SYTL3: variants seen among roughly 807,000 people sequenced by gnomAD.
SYTL3 encodes the protein synaptotagmin like 3, also known as synaptotagmin-like protein 3.
In SYTL3, 88 loss-of-function variants were observed where a neutral mutation model predicts 82.1. That is an observed-to-expected ratio of 1.07 (90% CI 0.90 to 1.28). The LOEUF (loss-of-function observed/expected upper bound fraction) is 1.28, where lower values mean the gene tolerates loss of function less well. Among genes scored for constraint, SYTL3 ranks in the 50% most tolerant of loss-of-function variants. The pLI, the probability that SYTL3 is intolerant of heterozygous loss-of-function variation, is 0.00. For missense variants in SYTL3, 831 were observed against 757.6 expected (o/e 1.10, Z -1.14); for synonymous variants, 311 against 289.4 (o/e 1.07, Z -0.76).
At chr6:158,653,889 C>G (rs1344837932) in intron 2 of SYTL3, among the ~76,000 whole-genome samples, 1 of 152,236 alleles carries the variant, frequency 6.6e-6, no homozygotes, top group Admixed American at 6.5e-5. Context: ...TGATGACTGA[C>G]TGCTCAGAGA....
At chr6:158,754,822 G>A (rs1452402045) in intron 13 of SYTL3, among the ~76,000 whole-genome samples, 1 of 152,216 alleles carries the variant, frequency 6.6e-6, no homozygotes, top group Non-Finnish European at 1.5e-5. Flanking sequence ...AGGAGAAGTG[G>A]CTGAGCGTCG....
At chr6:158,720,772 G>A (rs1208966641) in intron 10 of SYTL3, among the ~76,000 whole-genome samples, 1 of 152,174 alleles carries the variant, frequency 6.6e-6, no homozygotes, top group East Asian at 1.9e-4. Context: ...CCCTACTAAA[G>A]ACAGGGACAC....
rs765602117 is a variant in SYTL3, at chr6:158,665,436, C to T, written c.152C>T (p.Ala51Val). ...CTGCAGCATCTCCGGTGGAAAGGAG[C>T]GAAGAACACGGACTGGGAGCACAAA... ...THLQHLRWKG[A>V]KNTDWEHKEK... The change falls in exon 5 of 18, where the codon GCG becomes GTG. Residue 51 changes from alanine to valine, a missense_variant. Coordinates refer to ENST00000611299, the MANE Select transcript of SYTL3 (RefSeq NM_001242394.2). 16 of 1,607,310 alleles carry T rather than the reference C, an allele frequency of 1.0e-5. No homozygotes were observed. Among genetic ancestry groups the T allele is most frequent in the African/African-American group, 4.0e-5 (3 of 74,832 alleles).
chr6:158,692,930 G>A (rs990386515), intron 6 of SYTL3, among the ~76,000 whole-genome samples: 3 of 151,316 alleles, frequency 2.0e-5, no homozygotes, highest in Non-Finnish European at 4.4e-5. Context: ...CAGCCTGGGC[G>A]ACAGAGCGAG....
intron 11 of SYTL3, among the ~76,000 whole-genome samples, chr6:158,734,401 C>T (rs896077956): frequency 6.6e-5 from 10 of 152,056 alleles, no homozygotes; most frequent in Non-Finnish European, 1.5e-4. Flanking sequence ...GGGCTTGGAT[C>T]CACCCCATGA....
intron 6 of SYTL3, among the ~76,000 whole-genome samples, chr6:158,695,859 T>C (rs1006578476): frequency 9.2e-5 from 14 of 152,242 alleles, no homozygotes; most frequent in Admixed American, 2.0e-4. Context: ...TATCAGAATT[T>C]CATTCCTTTT....
In SYTL3 at chr6:158,651,122, C is replaced by T. The variant is rs1485593523; in HGVS notation, c.-726-631C>T. The stretch of plus-strand genomic sequence containing the variant: ...TTACTTAATCACTCCAAGACTCACT[C>T]TCCTCATCTGTAGAATGGGTACATT... On this transcript the variant is annotated intron_variant, in intron 1 of 17. Transcript: ENST00000611299. 2.0e-5 allele frequency among the ~76,000 whole-genome samples: 3 copies of T among 152,162 alleles called. No individual in the cohort carries two copies. The East Asian group carries it at 5.8e-4, about 29-fold the overall frequency.
chr6:158,728,390 C>G (rs1417025754), intron 11 of SYTL3, among the ~76,000 whole-genome samples: 1 of 152,008 alleles, frequency 6.6e-6, no homozygotes, highest in African/African-American at 2.4e-5. Context: ...ACTTTGGCAT[C>G]TTGGTTGGAA....
At chr6:158,671,813 A>G (rs904682342) in intron 5 of SYTL3, among the ~76,000 whole-genome samples, 5 of 151,572 alleles carry the variant, frequency 3.3e-5, no homozygotes, top group Admixed American at 6.6e-5. Context: ...ATTATTATCT[A>G]TATGTTATAC....
At chr6:158,764,450 T>G (rs1452870156) in intron 17 of SYTL3, 45 bp from the exon 18 acceptor site, 1 of 1,400,314 alleles carries the variant, frequency 7.1e-7, no homozygotes, top group Non-Finnish European at 1.0e-6. Flanking sequence ...GGGGATGAAG[T>G]GGTGCCCTCC....
chr6:158,745,521 C>T lies in SYTL3; in HGVS notation c.897C>T (p.Gly299=). The T allele has an allele frequency of 6.2e-7, 1 of 1,613,178 alleles. No homozygotes were observed. Among genetic ancestry groups the T allele is most frequent in the Non-Finnish European group, 8.5e-7 (1 of 1,179,810 alleles). Reference sequence around the variant, plus strand: ...TTGACAGCACCTGTACAGAGATGGGCAATTTTGACAATGCTAATGTCACTG... The same window carrying T: ...TTGACAGCACCTGTACAGAGATGGGTAATTTTGACAATGCTAATGTCACTG... The part of the protein sequence containing the change: ...ISIDSTCTEM[G]NFDNANVTGE... The change falls in exon 12 of 18, where the codon GGC becomes GGT. Residue 299 remains glycine, a synonymous_variant. Coordinates refer to ENST00000611299, the MANE Select transcript of SYTL3 (RefSeq NM_001242394.2).
intron 5 of SYTL3, among the ~76,000 whole-genome samples, chr6:158,667,150 T>C (rs1309987271): frequency 6.6e-6 from 1 of 152,224 alleles, no homozygotes; most frequent in Non-Finnish European, 1.5e-5. Flanking sequence ...CTCAGCATTT[T>C]TTCTTCTTCT....
At chr6:158,672,288 CA>C (rs952440850) in intron 5 of SYTL3, among the ~76,000 whole-genome samples, 1 of 151,184 alleles carries the variant, frequency 6.6e-6, no homozygotes, top group African/African-American at 2.4e-5. Flanking sequence ...AAGACTGTCT[CA>C]AAAAAAAAGT....
chr6:158,686,334 A>C (rs1206261091), intron 6 of SYTL3, among the ~76,000 whole-genome samples: 1 of 152,188 alleles, frequency 6.6e-6, no homozygotes, highest in Non-Finnish European at 1.5e-5. Context: ...TCAATGTATA[A>C]AATAAACACC....
intron 11 of SYTL3, among the ~76,000 whole-genome samples, chr6:158,744,434 GTAGCTGGGACTA>G (rs763685442): frequency 7.9e-5 from 12 of 151,274 alleles, no homozygotes; most frequent in East Asian, 7.9e-4. Flanking sequence ...AGCCTCCGGA[GTAGCTGGGACTA>G]TAGCTGGGAC....
At chr6:158,701,225 A>G (rs1430450768) in intron 6 of SYTL3, among the ~76,000 whole-genome samples, 1,186 of 33,376 alleles carry the variant, frequency 0.036, 46 homozygotes, top group African/African-American at 0.084. Context: ...TAGATGAAGG[A>G]GTGTGAGCTG....
rs1783630195 is a variant in SYTL3, at chr6:158,718,080, C to T, written c.596-7C>T. The T allele has an allele frequency of 6.6e-7, 1 of 1,521,772 alleles. No homozygotes were observed. The highest frequency in any genetic ancestry group is 2.1e-5 in the Admixed American group (1 of 47,342). 94.3% of individuals were successfully genotyped at this position (1,521,772 alleles called of 1,614,324 possible). ...CCCACCCATCAACCCTTGTGTTTGC[C>T]TTTTAGAGCTCTCCAAATCCCAGAA... On this transcript the variant is annotated splice_polypyrimidine_tract_variant and splice_region_variant and intron_variant, in intron 9 of 17. Transcript: ENST00000611299.
chr6:158,673,551 T>C (rs1246169966), intron 5 of SYTL3, among the ~76,000 whole-genome samples: 1 of 151,236 alleles, frequency 6.6e-6, no homozygotes, highest in Non-Finnish European at 1.5e-5. Context: ...GCCATTCTCC[T>C]GTCTCAGGCT....
chr6:158,719,457 C>T (rs534609365), intron 10 of SYTL3, among the ~76,000 whole-genome samples: 33 of 152,248 alleles, frequency 2.2e-4, no homozygotes, highest in African/African-American at 6.0e-4. Context: ...GATGAGGAAC[C>T]GCAGATGCAT....
Sources: allele counts gnomAD v4.1 joint callset (sites outside exome capture counted in the v4.1 genomes callset), GRCh38; gene constraint gnomAD v4.1.1; transcripts MANE v1.5; gene names NCBI Gene and HGNC (gene_info 2026-07-23, HGNC 2026-07-21).